Variants in TMEM116 observed in about 807,000 individuals in gnomAD.
The protein encoded by TMEM116 is transmembrane protein 116.
TMEM116 carries 38 observed loss-of-function variants against 44.3 expected under a neutral mutation model. The observed-to-expected ratio is 0.86, with a 90% CI of 0.66 to 1.12. TMEM116 has a LOEUF of 1.12. TMEM116 is among the 50% of genes most tolerant of loss of function. The pLI, the probability that TMEM116 is intolerant of heterozygous loss-of-function variation, is 0.00. For missense variants in TMEM116, 354 were observed against 401.7 expected, an observed-to-expected ratio of 0.88 and a Z score of 1.01; for synonymous variants, 132 against 144.8, an observed-to-expected ratio of 0.91 and a Z score of 0.64.
chr12:111,988,810 T>C (rs1014150857), intron 4 of TMEM116, among the ~76,000 whole-genome samples: 1 of 151,478 alleles, frequency 6.6e-6, no homozygotes, highest in African/African-American at 2.4e-5. Flanking sequence ...GCCAACATAG[T>C]GAAACCCCGT....
chr12:111,988,895 G>C (rs1374792653), intron 4 of TMEM116, among the ~76,000 whole-genome samples: 1 of 151,992 alleles, frequency 6.6e-6, no homozygotes, highest in Non-Finnish European at 1.5e-5. Flanking sequence ...GGGAGGCTGA[G>C]GCAGGAGAAT....
intron 4 of TMEM116, among the ~76,000 whole-genome samples, chr12:111,975,020 A>C (rs967543928): frequency 1.3e-5 from 2 of 152,354 alleles, no homozygotes; most frequent in Admixed American, 1.3e-4. Flanking sequence ...GCAATTTGCC[A>C]AACATACCTT....
At chr12:111,954,174 C>T (rs1240060833) in intron 4 of TMEM116, among the ~76,000 whole-genome samples, 5 of 152,096 alleles carry the variant, frequency 3.3e-5, no homozygotes, top group Non-Finnish European at 5.9e-5. Flanking sequence ...GTTACATAAA[C>T]CCATAGCCAC....
At chr12:111,939,880 C>CTG (rs61322648) in intron 5 of TMEM116, among the ~76,000 whole-genome samples, 11,541 of 130,194 alleles carry the variant, frequency 0.089, 558 homozygotes, top group Admixed American at 0.12. Context: ...CTTCAAAGCT[C>CTG]TGTGTGTGTG....
At chr12:112,004,443 C>A (rs1416862066) in intron 2 of TMEM116, among the ~76,000 whole-genome samples, 2 of 151,750 alleles carry the variant, frequency 1.3e-5, no homozygotes, top group African/African-American at 4.8e-5. Context: ...TGCTACCATG[C>A]CCAGCTAATG....
rs149632778 is a variant in TMEM116, at chr12:111,998,151, T to A, written c.78+5649A>T. ...GTTTTATTAGAAGGGAAATAGTACA[T>A]GTTGTTTTGAAAGCAAGCTCACTGG... On this transcript the variant is annotated intron_variant, in intron 3 of 10. Coordinates refer to ENST00000552374, the MANE Select transcript of TMEM116 (RefSeq NM_001193531.2). 8.6e-4 allele frequency among the ~76,000 whole-genome samples: 131 copies of A among 152,314 alleles called. 1 individual carries two copies. Among genetic ancestry groups the A allele is most frequent in the South Asian group, 2.5e-3 (12 of 4,834 alleles).
chr12:112,006,291 G>A (rs1363043483), intron 1 of TMEM116, among the ~76,000 whole-genome samples: 1 of 152,008 alleles, frequency 6.6e-6, no homozygotes, highest in Non-Finnish European at 1.5e-5. Context: ...AGAAGGGGCA[G>A]GATTGAGAAA....
chr12:111,996,670 T>G (rs562420328), intron 3 of TMEM116, among the ~76,000 whole-genome samples: 135 of 152,278 alleles, frequency 8.9e-4, no homozygotes, highest in Non-Finnish European at 6.8e-4. Context: ...CTAGATAAGC[T>G]TATGCATTTG....
At chr12:112,004,078 C>T (rs1353531348) in intron 2 of TMEM116, among the ~76,000 whole-genome samples, 1 of 151,874 alleles carries the variant, frequency 6.6e-6, no homozygotes, top group Non-Finnish European at 1.5e-5. Context: ...ACTCCTGGGC[C>T]CTGGTGATCC....
At chr12:112,002,809 A>G (rs2077338581) in intron 3 of TMEM116, among the ~76,000 whole-genome samples, 1 of 152,198 alleles carries the variant, frequency 6.6e-6, no homozygotes, top group Non-Finnish European at 1.5e-5. Context: ...AGTGGGCCCA[A>G]TAAAACCCAA....
chr12:111,954,040 A>T (rs923521934), intron 4 of TMEM116, among the ~76,000 whole-genome samples: 1 of 152,138 alleles, frequency 6.6e-6, no homozygotes, highest in African/African-American at 2.4e-5. Context: ...TAAAAAACCA[A>T]AAATAAAAAA....
At chr12:112,009,683 CA>C (rs774025829) in intron 1 of TMEM116, among the ~76,000 whole-genome samples, 322 of 138,230 alleles carry the variant, frequency 2.3e-3, no homozygotes, top group African/African-American at 2.7e-3. Context: ...ACTAAAAATA[CA>C]AAAAAAAAAA....
rs373116029 is a variant in TMEM116, at chr12:111,986,183, C to T, written c.210+5575G>A. On this transcript the variant is annotated intron_variant, in intron 4 of 10. Transcript: ENST00000552374. ...CCAGCCTGAGCAACACGGCAAGATC[C>T]TCTCTCTACAAAAAAAAATTTAAAA... 2.6e-4 allele frequency among the ~76,000 whole-genome samples: 40 copies of T among 151,462 alleles called. No homozygotes were observed. In the East Asian group the frequency reaches 4.6e-3, roughly 17 times the overall value.
chr12:111,953,567 G>A (rs1166576748), intron 4 of TMEM116, among the ~76,000 whole-genome samples: 5 of 152,104 alleles, frequency 3.3e-5, no homozygotes, highest in Admixed American at 3.3e-4. Context: ...TTGCACATAG[G>A]CCACTTCAAC....
At chr12:111,993,154 G>GT (rs2076716269) in intron 3 of TMEM116, 1 of 287,370 alleles carries the variant, frequency 3.5e-6, no homozygotes, top group African/African-American at 2.3e-5. Context: ...TAAAAGTACA[G>GT]TTGTGAATTT....
intron 4 of TMEM116, among the ~76,000 whole-genome samples, chr12:111,960,983 A>T (rs2074551124): frequency 6.6e-6 from 1 of 152,200 alleles, no homozygotes; most frequent in African/African-American, 2.4e-5. Flanking sequence ...AAAAAATGAT[A>T]AAGGGGATGT....
chr12:111,952,312 T>A (rs561455861), intron 4 of TMEM116, among the ~76,000 whole-genome samples: 28 of 152,282 alleles, frequency 1.8e-4, no homozygotes, highest in African/African-American at 6.3e-4. Flanking sequence ...AGTCATAAAA[T>A]GCTAAGTAAT....
rs1593408631 is a variant in TMEM116 at position 111,961,904 on chromosome 12, T to C, written c.211-18535A>G. The stretch of plus-strand genomic sequence containing the variant: ...TGTCTCTGTTTGCAGATGACATGAT[T>C]GTATATTTAGAAAACCCCATTGTCT... On this transcript the variant is annotated intron_variant, in intron 4 of 10. Transcript: ENST00000552374. Among the ~76,000 whole-genome samples, 4 of 152,306 alleles carry C rather than the reference T, an allele frequency of 2.6e-5. No individual in the cohort carries two copies. The South Asian group carries it at 8.3e-4, about 32-fold the overall frequency.
At chr12:111,932,742 T>C in intron 9 of TMEM116, 83 bp from the exon 10 acceptor site, 1 of 1,092,114 alleles carries the variant, frequency 9.2e-7, no homozygotes, top group Non-Finnish European at 1.4e-6. Context: ...CTGAGCATTA[T>C]CAGAATGGAA....
Sources: gnomAD v4.1 joint callset for allele counts (sites outside exome capture counted in the v4.1 genomes callset) on GRCh38, gnomAD v4.1.1 for gene constraint, MANE v1.5 for transcripts, NCBI Gene and HGNC (gene_info 2026-07-23, HGNC 2026-07-21) for gene names.